The following IL17RD variants were observed in gnomAD, a reference collection of about 807,000 sequenced individuals.
The protein encoded by IL17RD is interleukin-17 receptor D.
In IL17RD, 52 loss-of-function variants were observed where a neutral mutation model predicts 80.5. The ratio of observed to expected loss-of-function variants is 0.65; its 90% CI spans 0.52 to 0.81. The LOEUF (loss-of-function observed/expected upper bound fraction) is 0.81. Ranked by LOEUF, IL17RD falls within the 40% of genes least tolerant of loss-of-function variation. The probability of loss-of-function intolerance (pLI) is 0.00; values close to 1 mark genes in which losing one functional copy is unlikely to be tolerated. For synonymous variants in IL17RD, 416 were observed against 391.8 expected, an observed-to-expected ratio of 1.06 and a Z score of -0.73; for missense variants, 1,024 against 955.1, an observed-to-expected ratio of 1.07 and a Z score of -0.95.
intron 1 of IL17RD, among the ~76,000 whole-genome samples, 159 bp from the exon 2 acceptor site, chr3:57,120,472 C>A (rs545385350): frequency 1.3e-5 from 2 of 152,368 alleles, no homozygotes; most frequent in African/African-American, 2.4e-5. Flanking sequence ...CATGGCCCCC[C>A]ACAGCTGTCA....
intron 1 of IL17RD, among the ~76,000 whole-genome samples, chr3:57,160,763 A>G (rs1056821396): frequency 6.6e-6 from 1 of 152,334 alleles, no homozygotes; most frequent in East Asian, 1.9e-4. Context: ...GTCCCCTAAA[A>G]CAATAGGTCT....
At chr3:57,105,078 T>C (rs1317933784) in intron 7 of IL17RD, among the ~76,000 whole-genome samples, 1 of 152,164 alleles carries the variant, frequency 6.6e-6, no homozygotes, top group East Asian at 1.9e-4. Flanking sequence ...TTTTTCCACT[T>C]ACTAGCTGTG....
intron 2 of IL17RD, among the ~76,000 whole-genome samples, chr3:57,116,345 G>A (rs544229006): frequency 2.0e-5 from 3 of 146,956 alleles, no homozygotes; most frequent in East Asian, 2.0e-4. Flanking sequence ...GTGCAATGGC[G>A]CAATCTCGGC....
At chr3:57,151,236 T>A (rs951011305) in intron 1 of IL17RD, among the ~76,000 whole-genome samples, 1 of 152,116 alleles carries the variant, frequency 6.6e-6, no homozygotes, top group African/African-American at 2.4e-5. Flanking sequence ...ACAGATGACA[T>A]CCAGTACAAT....
At chr3:57,161,769 GA>G (rs1263116821) in intron 1 of IL17RD, among the ~76,000 whole-genome samples, 5 of 152,200 alleles carry the variant, frequency 3.3e-5, no homozygotes, top group Admixed American at 3.3e-4. Context: ...TTAAAGTTAT[GA>G]ACCAAACTTG....
intron 1 of IL17RD, among the ~76,000 whole-genome samples, chr3:57,124,811 T>TCA (rs1707415223): frequency 6.6e-6 from 1 of 152,164 alleles, no homozygotes; most frequent in Non-Finnish European, 1.5e-5. Context: ...GACCTCCATG[T>TCA]CACACACACG....
chr3:57,117,629 G>GT (rs1184157947), intron 2 of IL17RD, among the ~76,000 whole-genome samples: 1 of 152,178 alleles, frequency 6.6e-6, no homozygotes, highest in Admixed American at 6.5e-5. Context: ...TGAAAACCCA[G>GT]TAATTGTTTC....
intron 12 of IL17RD, 115 bp from the exon 13 acceptor site, chr3:57,096,620 G>A: frequency 9.4e-6 from 7 of 743,506 alleles, no homozygotes; most frequent in Non-Finnish European, 1.7e-5. Flanking sequence ...CTGTATAAAC[G>A]AGGCAAGAAT....
At chr3:57,103,712 CT>C (rs1037297326) in intron 8 of IL17RD, among the ~76,000 whole-genome samples, 187 of 150,038 alleles carry the variant, frequency 1.2e-3, no homozygotes, top group African/African-American at 4.1e-3. Flanking sequence ...TGAAACATTA[CT>C]TTTTTTTTTG....
At chr3:57,126,713 TG>T (rs1314634154) in intron 1 of IL17RD, among the ~76,000 whole-genome samples, 1 of 152,214 alleles carries the variant, frequency 6.6e-6, no homozygotes, top group Admixed American at 6.5e-5. Context: ...CCTCTTCCAG[TG>T]GAAGGCAGGC....
At chr3:57,169,372 A>C, upstream of IL17RD, 1 of 380,160 alleles carries the variant, frequency 2.6e-6, no homozygotes. Flanking sequence ...GACTGTCACC[A>C]CCTCCCCCTC....
At position 57,098,127 on chromosome 3, in the gene IL17RD, G is replaced by A. The variant is rs1560193542; in HGVS notation, c.1576C>T (p.Arg526Ter). 12 of 1,613,948 alleles carry A rather than the reference G, an allele frequency of 7.4e-6. No individual in the cohort carries two copies. The highest frequency in any genetic ancestry group is 9.3e-6 in the Non-Finnish European group (11 of 1,179,888). Residue 526 changes from arginine to a stop codon, truncating the protein, a stop_gained, in exon 12 of 13, where the codon CGA becomes TGA. Transcript: ENST00000296318. LOFTEE classifies it high-confidence loss of function. Reference sequence around the variant, plus strand: ...AAGTAGTTCCTTCTGCTGCCCTGTCGCGTGTGCTGCCCCGGCTCCTGGAGG... The same window carrying A: ...AAGTAGTTCCTTCTGCTGCCCTGTCACGTGTGCTGCCCCGGCTCCTGGAGG... ...HGLQEPGQHT[R>*]QGSRRNYFRS...
At chr3:57,162,072 C>A (rs2060308733) in intron 1 of IL17RD, among the ~76,000 whole-genome samples, 1 of 152,232 alleles carries the variant, frequency 6.6e-6, no homozygotes, top group Non-Finnish European at 1.5e-5. Context: ...TTAAACCAGG[C>A]CAGCCCATGG....
intron 1 of IL17RD, among the ~76,000 whole-genome samples, chr3:57,120,720 T>C (rs1189479725): frequency 6.6e-6 from 1 of 152,208 alleles, no homozygotes; most frequent in African/African-American, 2.4e-5. Flanking sequence ...CCGCAAGCTC[T>C]ATTAAGCCAC....
chr3:57,097,526 G>T, intron 12 of IL17RD, 70 bp downstream of exon 12: 1 of 1,266,158 alleles, frequency 7.9e-7, no homozygotes. Flanking sequence ...GTGGAAAAAC[G>T]CTTTGACTGA....
chr3:57,165,918 G>C (rs930771067), upstream of IL17RD, among the ~76,000 whole-genome samples: 1 of 152,022 alleles, frequency 6.6e-6, no homozygotes, highest in African/African-American at 2.4e-5. Flanking sequence ...TCCTAGTCTG[G>C]GGAGAGTTCT....
intron 1 of IL17RD, among the ~76,000 whole-genome samples, chr3:57,145,043 A>C (rs965078359): frequency 2.6e-5 from 4 of 152,198 alleles, no homozygotes; most frequent in Non-Finnish European, 4.4e-5. Context: ...CCATATGCAG[A>C]TCAACTGTCA....
At chr3:57,127,271 TAA>T (rs1238037623) in intron 1 of IL17RD, among the ~76,000 whole-genome samples, 1 of 91,250 alleles carries the variant, frequency 1.1e-5, no homozygotes, top group South Asian at 3.1e-4. Flanking sequence ...TAAATATATA[TAA>T]AAATATATAT....
rs934124841 is a variant in IL17RD at position 57,096,487 on chromosome 3, G to C, written c.2126C>G (p.Ala709Gly). 6.2e-7 allele frequency: 1 copy of C among 1,612,778 alleles called. No homozygotes were observed. The highest frequency in any genetic ancestry group is 8.5e-7 in the Non-Finnish European group (1 of 1,178,748). The stretch of plus-strand genomic sequence containing the variant: ...AGAAGAGAGGAGCTTGGAAGGAAGG[G>C]CAGGAGGTTCCTCCTCACCTAAGGA... ...SSGLGEEEPPALPSKLLSSGS... is the reference protein window; with the variant it reads ...SSGLGEEEPPGLPSKLLSSGS... Residue 709 changes from alanine (A) to glycine (G), a missense_variant, in exon 13 of 13, where the codon GCC becomes GGC. Transcript: ENST00000296318.
Sources: allele counts gnomAD v4.1 joint callset (sites outside exome capture counted in the v4.1 genomes callset), GRCh38; gene constraint gnomAD v4.1.1; transcripts MANE v1.5; gene names NCBI Gene and HGNC (gene_info 2026-07-23, HGNC 2026-07-21).